The following DNAH14 variants were observed in gnomAD, a reference collection of about 807,000 sequenced individuals.
The protein encoded by DNAH14 is dynein axonemal heavy chain 14.
Under a neutral mutation model 520.9 loss-of-function variants are expected in DNAH14, and 478 were observed. That is an observed-to-expected ratio of 0.92 (90% CI 0.85 to 0.99). DNAH14 has a LOEUF of 0.99. Ranked by LOEUF, DNAH14 falls within the 50% of genes least tolerant of loss-of-function variation. The probability of loss-of-function intolerance (pLI) is 0.00; values close to 1 mark genes in which losing one functional copy is unlikely to be tolerated. For synonymous variants in DNAH14, 1,581 were observed against 1,757.2 expected, an observed-to-expected ratio of 0.90 and a Z score of 2.51; for missense variants, 4,831 against 5,234.5, an observed-to-expected ratio of 0.92 and a Z score of 2.38.
chr1:225,120,980 T>A (rs2148880675), intron 26 of DNAH14, among the ~76,000 whole-genome samples: 2 of 152,302 alleles, frequency 1.3e-5, no homozygotes, highest in Middle Eastern at 6.8e-3. Context: ...ACTGACAGCA[T>A]CCTTTTTTTG....
intron 1 of DNAH14, among the ~76,000 whole-genome samples, chr1:224,933,408 A>G (rs866875984): frequency 2.6e-5 from 4 of 152,050 alleles, no homozygotes; most frequent in Non-Finnish European, 5.9e-5. Flanking sequence ...TCCAATTTCA[A>G]TGCCTTTTAT....
rs2063854169 is a variant in DNAH14, at chr1:225,002,683, TCAA to T, written c.831-98_831-96del. The stretch of plus-strand genomic sequence containing the variant: ...TAAAATGGGGTAGATGTAAAACATT[TCAA>T]CTATAAGGATATTAACTAAACCACA... On this transcript the variant is annotated intron_variant, in intron 8 of 85. Coordinates refer to ENST00000682510, the MANE Select transcript of DNAH14 (RefSeq NM_001367479.1). 8.8e-6 allele frequency: 10 copies of T among 1,133,626 alleles called. No homozygotes were observed. The South Asian group carries it at 1.5e-4, about 17-fold the overall frequency. 70.2% of individuals were successfully genotyped at this position (1,133,626 alleles called of 1,614,324 possible).
chr1:225,131,512 C>T lies in DNAH14; in HGVS notation c.4254+7898C>T, dbSNP rs1007852294. On this transcript the variant is annotated intron_variant, in intron 27 of 85. Transcript: ENST00000682510. ...CTCTGCTCACAGGCAGAAAAAGCTA[C>T]CCAGTTTTATGATTACATGTGTTTT... Among the ~76,000 whole-genome samples the T allele has an allele frequency of 2.0e-5, 3 of 152,164 alleles. No individual in the cohort carries two copies. The East Asian group carries it at 5.8e-4, about 29-fold the overall frequency.
chr1:225,191,304 G>T (rs750675749), intron 37 of DNAH14, among the ~76,000 whole-genome samples: 32 of 151,894 alleles, frequency 2.1e-4, no homozygotes, highest in Non-Finnish European at 1.2e-4. Context: ...GAATGCCTTA[G>T]TTTCTCCCTC....
chr1:224,941,405 G>C (rs1297000939), intron 1 of DNAH14, among the ~76,000 whole-genome samples: 2 of 152,146 alleles, frequency 1.3e-5, no homozygotes, highest in Non-Finnish European at 2.9e-5. Flanking sequence ...CTTCATTGTA[G>C]ATTCTGGATA....
chr1:225,062,214 T>A lies in DNAH14; in HGVS notation c.2424+10419T>A, dbSNP rs2070244111. Among the ~76,000 whole-genome samples, 3 of 152,052 alleles carry A rather than the reference T, an allele frequency of 2.0e-5. 1 individual carries two copies. Among genetic ancestry groups the A allele is most frequent in the African/African-American group, 2.4e-5 (1 of 41,396 alleles). ...TACTCAGGAGACTGAGGTGTGAGGA[T>A]GGCTTGATCCCAGGAAGTTGAGGCT... On this transcript the variant is annotated intron_variant, in intron 17 of 85. Transcript: ENST00000682510.
At chr1:225,264,091 GAGTT>G (rs2093031704) in intron 46 of DNAH14, 102 bp from the exon 47 acceptor site, 3 of 940,948 alleles carry the variant, frequency 3.2e-6, no homozygotes, top group Admixed American at 5.8e-5. Flanking sequence ...TTTCTTGTAA[GAGTT>G]AGAAGTAAAA....
intron 27 of DNAH14, among the ~76,000 whole-genome samples, chr1:225,127,594 A>G (rs1573327657): frequency 6.6e-6 from 1 of 151,982 alleles, no homozygotes; most frequent in African/African-American, 2.4e-5. Flanking sequence ...TTTTGAGCCT[A>G]TGTGTGTCTC....
chr1:225,079,538 TA>T lies in DNAH14; in HGVS notation c.2760del (p.Ala921ProfsTer3). On this transcript the variant is annotated frameshift_variant, in exon 18 of 86. Coordinates refer to ENST00000682510, the MANE Select transcript of DNAH14 (RefSeq NM_001367479.1). LOFTEE classifies it high-confidence loss of function. ...ISGLHVDVGNLKAKIRTPLLL... is the reference protein window; with the variant it reads ...ISGLHVDVGNXKAKIRTPLLL... ...GGTCTACATGTTGATGTTGGCAATTTAAAAGCCAAGGTAAGTTTTTAGGGTT... is the reference window on the plus strand; with the variant it reads ...GGTCTACATGTTGATGTTGGCAATTTAAAGCCAAGGTAAGTTTTTAGGGTT... 2.0e-6 allele frequency: 3 copies of T among 1,507,294 alleles called. No homozygotes were observed. Among genetic ancestry groups the T allele is most frequent in the Non-Finnish European group, 2.6e-6 (3 of 1,135,510 alleles). The allele number at this position is 1,507,294 out of a possible 1,614,324, so 93.4% of individuals were successfully genotyped here.
At chr1:225,039,908 T>A (rs1248499112) in intron 12 of DNAH14, among the ~76,000 whole-genome samples, 1 of 145,878 alleles carries the variant, frequency 6.9e-6, no homozygotes, top group Non-Finnish European at 1.5e-5. Context: ...AAAAGTAGCC[T>A]TGTGTAATAT....
intron 39 of DNAH14, among the ~76,000 whole-genome samples, chr1:225,204,701 C>A (rs893106080): frequency 5.3e-5 from 8 of 152,280 alleles, no homozygotes; most frequent in Non-Finnish European, 7.4e-5. Context: ...ATATGCCAGA[C>A]ACTTTACTAT....
intron 71 of DNAH14, among the ~76,000 whole-genome samples, chr1:225,350,559 A>G (rs1049130314): frequency 6.6e-6 from 1 of 152,098 alleles, no homozygotes; most frequent in African/African-American, 2.4e-5. Flanking sequence ...AAATCAGGAA[A>G]GAAAGGGACG....
intron 76 of DNAH14, among the ~76,000 whole-genome samples, chr1:225,367,479 TAA>T (rs2095568330): frequency 1.3e-5 from 2 of 152,222 alleles, no homozygotes; most frequent in African/African-American, 4.8e-5. Flanking sequence ...CCATTGACAC[TAA>T]GTTTAGGCTC....
Position 225,085,566 on chromosome 1 carries a change from TA to T in DNAH14, c.3353del (p.Asn1118MetfsTer31). The T allele has an allele frequency of 1.9e-6, 3 of 1,546,748 alleles. No individual in the cohort carries two copies. The highest frequency in any genetic ancestry group is 2.6e-6 in the Non-Finnish European group (3 of 1,142,960). The stretch of plus-strand genomic sequence containing the variant: ...TAGATGTTTCAGTATGAAAATGAAA[TA>T]AATGATATGTCAACCTCAGCAACTA... ...ALKMFQYENE[I>X]NDMSTSATNE... On this transcript the variant is annotated frameshift_variant, in exon 21 of 86. Coordinates refer to ENST00000682510, the MANE Select transcript of DNAH14 (RefSeq NM_001367479.1). LOFTEE classifies it high-confidence loss of function.
intron 66 of DNAH14, among the ~76,000 whole-genome samples, chr1:225,335,419 A>G (rs1163912885): frequency 7.7e-6 from 1 of 129,750 alleles, no homozygotes; most frequent in Non-Finnish European, 1.6e-5. Flanking sequence ...GTGTATGCAC[A>G]TATGCACGTG....
In DNAH14 at chr1:225,266,631, C is replaced by G; in HGVS notation, c.7411-10C>G. On this transcript the variant is annotated splice_polypyrimidine_tract_variant and intron_variant, in intron 48 of 85. Coordinates refer to ENST00000682510, the MANE Select transcript of DNAH14 (RefSeq NM_001367479.1). ...AATATATATGTTTAAAACCTTTTGT[C>G]TTTCTTAAGATTCTAATATTTATTG... 1 of 1,468,040 alleles carries G rather than the reference C, an allele frequency of 6.8e-7. No individual in the cohort carries two copies. Among genetic ancestry groups the G allele is most frequent in the Non-Finnish European group, 9.0e-7 (1 of 1,113,562 alleles). The allele number at this position is 1,468,040 out of a possible 1,614,324, so 90.9% of individuals were successfully genotyped here.
At chr1:224,936,908 T>G (rs1334197832) in intron 1 of DNAH14, among the ~76,000 whole-genome samples, 1 of 151,950 alleles carries the variant, frequency 6.6e-6, no homozygotes, top group Non-Finnish European at 1.5e-5. Context: ...GTAAAGATGG[T>G]TCAACATACA....
At chr1:225,395,718 T>G (rs2096002518) in intron 84 of DNAH14, 1 of 152,260 alleles carries the variant, frequency 6.6e-6, no homozygotes, top group Non-Finnish European at 1.5e-5. Context: ...GCCTTCTGTC[T>G]TTAGGGTTCT....
intron 64 of DNAH14, among the ~76,000 whole-genome samples, chr1:225,327,351 C>T (rs1355882746): frequency 1.3e-5 from 2 of 151,734 alleles, no homozygotes; most frequent in African/African-American, 2.4e-5. Context: ...TTAGTAGAGA[C>T]GGGGTTTCAC....
Sources: gnomAD v4.1 joint callset for allele counts (sites outside exome capture counted in the v4.1 genomes callset) on GRCh38, gnomAD v4.1.1 for gene constraint, MANE v1.5 for transcripts, NCBI Gene and HGNC (gene_info 2026-07-23, HGNC 2026-07-21) for gene names.